The following SEMA6D variants were observed in gnomAD, a reference collection of about 807,000 sequenced individuals.
The protein encoded by SEMA6D is semaphorin 6D.
In SEMA6D, 35 loss-of-function variants were observed where a neutral mutation model predicts 106.6. The ratio of observed to expected loss-of-function variants is 0.33; its 90% CI spans 0.25 to 0.44. SEMA6D has a LOEUF of 0.44. Ranked by LOEUF, SEMA6D falls within the 20% of genes least tolerant of loss-of-function variation. The pLI is 1.00. For synonymous variants in SEMA6D, 499 were observed against 487.7 expected (o/e 1.02, Z -0.31); for missense variants, 1,185 against 1,345.9 (o/e 0.88, Z 1.87).
intron 1 of SEMA6D, chr15:47,380,681 A>G (rs181728716): frequency 6.6e-6 from 1 of 152,372 alleles, no homozygotes; most frequent in African/African-American, 2.4e-5. Context: ...ATGGGCATGG[A>G]AGTATACAGG....
At chr15:47,591,377 C>T (rs1482737009) in intron 3 of SEMA6D, among the ~76,000 whole-genome samples, 2 of 152,090 alleles carry the variant, frequency 1.3e-5, no homozygotes, top group East Asian at 3.9e-4. Flanking sequence ...ACTGAAGGCT[C>T]TATGGGGCTG....
At chr15:47,673,149 C>T (rs1596591857) in intron 4 of SEMA6D, among the ~76,000 whole-genome samples, 1 of 151,942 alleles carries the variant, frequency 6.6e-6, no homozygotes, top group South Asian at 2.1e-4. Flanking sequence ...ACTTGAGCCA[C>T]GTCCCTACAA....
intron 1 of SEMA6D, among the ~76,000 whole-genome samples, chr15:47,239,608 A>G (rs1008365766): frequency 1.3e-5 from 2 of 152,156 alleles, no homozygotes; most frequent in African/African-American, 4.8e-5. Flanking sequence ...CTTAGGTTCA[A>G]ATCCTTCTGT....
At chr15:47,621,786 A>G (rs894959375) in intron 4 of SEMA6D, among the ~76,000 whole-genome samples, 1 of 152,224 alleles carries the variant, frequency 6.6e-6, no homozygotes, top group Non-Finnish European at 1.5e-5. Flanking sequence ...TGTCAAACAG[A>G]CATAATTCAA....
At chr15:47,407,405 AC>A (rs67678941) in intron 1 of SEMA6D, among the ~76,000 whole-genome samples, 4,157 of 134,330 alleles carry the variant, frequency 0.031, 193 homozygotes, top group Middle Eastern at 0.04. Context: ...AACAACAACA[AC>A]AACAAAAAAA....
chr15:47,570,099 G>GT (rs1350293940), intron 3 of SEMA6D, among the ~76,000 whole-genome samples: 1 of 151,848 alleles, frequency 6.6e-6, no homozygotes, highest in African/African-American at 2.4e-5. Flanking sequence ...ACCTAGAGCT[G>GT]TATCTCCCTG....
At chr15:47,519,516 C>G (rs1361153553) in intron 3 of SEMA6D, among the ~76,000 whole-genome samples, 1 of 152,022 alleles carries the variant, frequency 6.6e-6, no homozygotes, top group South Asian at 2.1e-4. Context: ...GGTTTTATTC[C>G]GTAAACAACA....
rs149118530 is a variant in SEMA6D at position 47,759,742 on chromosome 15, C to T, written c.-54-3C>T. 4,623 of 1,240,692 alleles carry T rather than the reference C, an allele frequency of 3.7e-3. 14 individuals carry two copies. The highest frequency in any genetic ancestry group is 4.2e-3 in the Non-Finnish European group (3,542 of 840,580). 76.9% of individuals were successfully genotyped at this position (1,240,692 alleles called of 1,614,324 possible). On this transcript the variant is annotated splice_region_variant and splice_polypyrimidine_tract_variant and intron_variant, in intron 1 of 18. Coordinates refer to ENST00000536845, the MANE Select transcript of SEMA6D (RefSeq NM_001358351.3). ...ATCTTTCCAAACTGCTTCTGTTTTC[C>T]AGGTAGCTCAGTGGCATTTCTGAGC...
chr15:47,371,644 A>G (rs2039276545), intron 1 of SEMA6D, among the ~76,000 whole-genome samples: 2 of 152,142 alleles, frequency 1.3e-5, no homozygotes, highest in Non-Finnish European at 2.9e-5. Flanking sequence ...GTACTGAGCA[A>G]CTTGTTGACC....
intron 1 of SEMA6D, among the ~76,000 whole-genome samples, chr15:47,258,272 A>C (rs2033907853): frequency 6.6e-6 from 1 of 152,194 alleles, no homozygotes; most frequent in Non-Finnish European, 1.5e-5. Flanking sequence ...TTAATATGTT[A>C]GAACCGAATA....
In SEMA6D at chr15:47,225,295, C is replaced by G. The variant is rs964174576; in HGVS notation, c.-239+40877C>G. On this transcript the variant is annotated intron_variant, in intron 1 of 19. Transcript: ENST00000558014. ...CACCAATGAATGAGAATTCCTGTTG[C>G]TCTACATTCTCACCAGCATTTGGTG... Among the ~76,000 whole-genome samples the G allele has an allele frequency of 2.6e-5, 4 of 151,972 alleles. No individual in the cohort carries two copies. The East Asian group carries it at 7.8e-4, about 29-fold the overall frequency.
chr15:47,606,047 C>G (rs2076774754), intron 4 of SEMA6D, among the ~76,000 whole-genome samples: 1 of 152,196 alleles, frequency 6.6e-6, no homozygotes. Flanking sequence ...CTGAAGCTAT[C>G]TAGAGGCTTG....
chr15:47,240,392 G>A (rs1332160842), intron 1 of SEMA6D, among the ~76,000 whole-genome samples: 3 of 152,078 alleles, frequency 2.0e-5, no homozygotes, highest in African/African-American at 7.2e-5. Flanking sequence ...AACTATAATG[G>A]AGCTATGATG....
intron 4 of SEMA6D, among the ~76,000 whole-genome samples, chr15:47,635,023 A>G (rs1268770350): frequency 3.3e-5 from 5 of 152,188 alleles, no homozygotes; most frequent in African/African-American, 1.2e-4. Flanking sequence ...CAGATAGTAC[A>G]TCCAAGATGG....
At chr15:47,304,685 T>G (rs1595689303) in intron 1 of SEMA6D, among the ~76,000 whole-genome samples, 1 of 152,268 alleles carries the variant, frequency 6.6e-6, no homozygotes, top group African/African-American at 2.4e-5. Flanking sequence ...CTTGTAAAAC[T>G]CAAATTGCTA....
At chr15:47,413,070 T>G (rs1379391427) in intron 2 of SEMA6D, among the ~76,000 whole-genome samples, 2 of 152,082 alleles carry the variant, frequency 1.3e-5, no homozygotes, top group Non-Finnish European at 2.9e-5. Flanking sequence ...GGATGGCAAA[T>G]TGTGTTACTG....
Position 47,770,754 on chromosome 15 carries a change from A to G in SEMA6D, c.2191A>G (p.Asn731Asp), listed in dbSNP as rs781540692. ...CAGCCCTGTCAAGGAATACCAACAG[A>G]ATATTGATTCTCCTAAACTGTATAG... The part of the protein sequence containing the change: ...FDSPVKEYQQ[N>D]IDSPKLYSNL... The change falls in exon 19 of 19, where the codon AAT becomes GAT. Residue 731 changes from asparagine (N) to aspartate (D), a missense_variant. Around this residue, in one of 3 missense-constraint regions of SEMA6D, gnomAD observed 750 missense variants for 783.5 expected, o/e 0.96. Transcript: ENST00000536845. 6.2e-7 allele frequency: 1 copy of G among 1,614,128 alleles called. No individual in the cohort carries two copies. Among genetic ancestry groups the G allele is most frequent in the Non-Finnish European group, 8.5e-7 (1 of 1,179,992 alleles).
intron 3 of SEMA6D, among the ~76,000 whole-genome samples, chr15:47,509,447 G>A (rs1326319739): frequency 2.6e-5 from 4 of 152,114 alleles, no homozygotes; most frequent in East Asian, 3.9e-4. Flanking sequence ...ATTGCCTCCT[G>A]TTGTCAGCCC....
chr15:47,441,901 C>A (rs184986833), intron 2 of SEMA6D, among the ~76,000 whole-genome samples: 53 of 152,034 alleles, frequency 3.5e-4, no homozygotes, highest in African/African-American at 1.2e-3. Flanking sequence ...TCTCCTGTAA[C>A]CTCAAATTCC....
Sources: allele counts gnomAD v4.1 joint callset (sites outside exome capture counted in the v4.1 genomes callset), GRCh38; gene constraint gnomAD v4.1.1; regional missense constraint gnomAD v4.1.1; transcripts MANE v1.5; gene names NCBI Gene and HGNC (gene_info 2026-07-23, HGNC 2026-07-21).